MICU1: variants seen among roughly 807,000 people sequenced by gnomAD.
MICU1 encodes mitochondrial calcium uptake 1.
Under a neutral mutation model 56.8 loss-of-function variants are expected in MICU1, and 45 were observed. The observed-to-expected ratio is 0.79, with a 90% CI of 0.62 to 1.02. The LOEUF (loss-of-function observed/expected upper bound fraction) is 1.02, where lower values mean the gene tolerates loss of function less well. MICU1 is among the 50% of genes least tolerant of loss of function. The probability of loss-of-function intolerance (pLI) is 0.00; values close to 1 mark genes in which losing one functional copy is unlikely to be tolerated. For synonymous variants in MICU1, 186 were observed against 195.1 expected (o/e 0.95, Z 0.39); for missense variants, 504 against 587.1 (o/e 0.86, Z 1.46).
intron 1 of MICU1, among the ~76,000 whole-genome samples, chr10:72,616,109 T>C (rs551282133): frequency 6.6e-6 from 1 of 152,378 alleles, no homozygotes; most frequent in East Asian, 1.9e-4. Context: ...CTATCATCTG[T>C]GTCACTTCTG....
intron 6 of MICU1, among the ~76,000 whole-genome samples, chr10:72,498,569 G>C (rs932688888): frequency 1.3e-5 from 2 of 152,068 alleles, no homozygotes; most frequent in African/African-American, 4.8e-5. Flanking sequence ...CTCGGTGACA[G>C]AATAAGACTC....
chr10:72,380,360 G>A (rs1862660959), intron 10 of MICU1, among the ~76,000 whole-genome samples: 1 of 152,106 alleles, frequency 6.6e-6, no homozygotes, highest in Non-Finnish European at 1.5e-5. Context: ...AGATTGGGAT[G>A]GGAGAGAATT....
At chr10:72,525,594 A>T (rs1867939049) in intron 5 of MICU1, among the ~76,000 whole-genome samples, 1 of 152,288 alleles carries the variant, frequency 6.6e-6, no homozygotes. Context: ...AGCTAATTAA[A>T]CTGGGAAGGA....
chr10:72,472,493 C>T (rs1340224363), intron 8 of MICU1, among the ~76,000 whole-genome samples: 1 of 151,830 alleles, frequency 6.6e-6, no homozygotes, highest in Non-Finnish European at 1.5e-5. Context: ...GAGCTTTTCA[C>T]TAGACAGAGA....
chr10:72,487,787 C>T (rs916832622), intron 6 of MICU1, among the ~76,000 whole-genome samples: 4 of 152,164 alleles, frequency 2.6e-5, no homozygotes, highest in African/African-American at 9.7e-5. Flanking sequence ...TTTGTGAGAG[C>T]TTCAATGGGA....
intron 4 of MICU1, among the ~76,000 whole-genome samples, chr10:72,538,376 A>C (rs1051006280): frequency 1.3e-5 from 2 of 152,158 alleles, no homozygotes; most frequent in Admixed American, 6.5e-5. Context: ...AGAAAAGGCA[A>C]TGTAAGTAGT....
chr10:72,393,869 G>A (rs777947106), intron 10 of MICU1, among the ~76,000 whole-genome samples: 5 of 152,150 alleles, frequency 3.3e-5, no homozygotes, highest in Non-Finnish European at 4.4e-5. Context: ...TGGTTCAAGC[G>A]ATTCTCCTGC....
intron 10 of MICU1, among the ~76,000 whole-genome samples, chr10:72,376,938 T>C (rs1554857477): frequency 6.6e-6 from 1 of 151,770 alleles, no homozygotes; most frequent in Admixed American, 6.6e-5. Flanking sequence ...CAAGGAGGCT[T>C]GTCTGTGGTG....
At chr10:72,572,007 T>C (rs1840622294) in intron 1 of MICU1, among the ~76,000 whole-genome samples, 1 of 148,392 alleles carries the variant, frequency 6.7e-6, no homozygotes, top group Non-Finnish European at 1.5e-5. Context: ...CACTAGGTAC[T>C]ATGGTAAAAA....
chr10:72,600,648 CA>C (rs71021514), intron 1 of MICU1, among the ~76,000 whole-genome samples: 68 of 105,594 alleles, frequency 6.4e-4, no homozygotes, highest in Middle Eastern at 5.3e-3. Context: ...GACTCCGTCT[CA>C]AAAAAAAAAA....
intron 5 of MICU1, among the ~76,000 whole-genome samples, chr10:72,525,645 T>C (rs774627475): frequency 2.0e-5 from 3 of 152,164 alleles, no homozygotes; most frequent in Admixed American, 6.5e-5. Flanking sequence ...GGTATACTAG[T>C]CTGCAGCTTT....
intron 1 of MICU1, among the ~76,000 whole-genome samples, chr10:72,613,305 G>A (rs1400555563): frequency 7.8e-6 from 1 of 127,958 alleles, no homozygotes; most frequent in Non-Finnish European, 1.6e-5. Flanking sequence ...ACAGGGTTTT[G>A]CTCTGTCACC....
Position 72,583,245 on chromosome 10 carries a change from C to T in MICU1, c.-1-16451G>A, listed in dbSNP as rs74956582. On this transcript the variant is annotated intron_variant, in intron 1 of 11. Coordinates refer to ENST00000361114, the MANE Select transcript of MICU1 (RefSeq NM_001195518.2). ...GGAAGATTTACTTAGGGTAGGAAAGCGCTAACTATTCTTCACAAAATAGTT... is the reference window on the plus strand; with the variant it reads ...GGAAGATTTACTTAGGGTAGGAAAGTGCTAACTATTCTTCACAAAATAGTT... 8.6e-3 allele frequency among the ~76,000 whole-genome samples: 1,293 copies of T among 150,680 alleles called. 19 individuals are homozygous for T. The highest frequency in any genetic ancestry group is 0.03 in the African/African-American group (1,221 of 41,038).
At chr10:72,550,648 T>C (rs1840012990) in intron 4 of MICU1, among the ~76,000 whole-genome samples, 1 of 152,218 alleles carries the variant, frequency 6.6e-6, no homozygotes, top group South Asian at 2.1e-4. Flanking sequence ...TGTGTGAAAG[T>C]TAGAATATTG....
intron 8 of MICU1, among the ~76,000 whole-genome samples, chr10:72,437,108 G>C (rs1184934720): frequency 1.3e-5 from 2 of 152,132 alleles, no homozygotes; most frequent in Non-Finnish European, 2.9e-5. Context: ...GATTCACCAA[G>C]GTTAAAATGA....
chr10:72,411,016 G>A lies in MICU1; in HGVS notation c.1072-2979C>T, dbSNP rs556073351. 3.3e-5 allele frequency among the ~76,000 whole-genome samples: 5 copies of A among 152,320 alleles called. No homozygotes were observed. The East Asian group carries it at 9.6e-4, about 29-fold the overall frequency. ...CAAAATGCGGCATATACACACAATG[G>A]AATATTGTTTAGCTTTTAAAAGGAA... is the stretch of plus-strand genomic sequence containing the variant. On this transcript the variant is annotated intron_variant, in intron 9 of 11. Coordinates refer to ENST00000361114, the MANE Select transcript of MICU1 (RefSeq NM_001195518.2).
intron 1 of MICU1, among the ~76,000 whole-genome samples, chr10:72,580,204 A>G (rs2132505042): frequency 6.6e-6 from 1 of 152,214 alleles, no homozygotes; most frequent in Middle Eastern, 3.4e-3. Context: ...TCTTTTCTTC[A>G]TTGTAAAAAG....
intron 10 of MICU1, among the ~76,000 whole-genome samples, chr10:72,383,313 C>T (rs1213628892): frequency 6.6e-6 from 1 of 151,490 alleles, no homozygotes; most frequent in Admixed American, 6.6e-5. Flanking sequence ...TTGAATGGTA[C>T]AAAAGGGGTG....
intron 1 of MICU1, among the ~76,000 whole-genome samples, chr10:72,621,853 AATC>A (rs1842112277): frequency 1.3e-5 from 2 of 152,222 alleles, no homozygotes; most frequent in African/African-American, 4.8e-5. Flanking sequence ...AATAGAAAAA[AATC>A]AACACATAAA....
Sources: allele counts gnomAD v4.1 joint callset (sites outside exome capture counted in the v4.1 genomes callset), GRCh38; gene constraint gnomAD v4.1.1; transcripts MANE v1.5; gene names NCBI Gene and HGNC (gene_info 2026-07-23, HGNC 2026-07-21).